Variants in CDH18 observed in about 807,000 individuals in gnomAD.
The protein encoded by CDH18 is cadherin-18.
CDH18 carries 31 observed loss-of-function variants against 67.9 expected under a neutral mutation model. The observed-to-expected ratio is 0.46, with a 90% CI of 0.34 to 0.62. The LOEUF (loss-of-function observed/expected upper bound fraction) is 0.62. CDH18 is among the 20% of genes least tolerant of loss of function. The pLI, the probability that CDH18 is intolerant of heterozygous loss-of-function variation, is 0.01. For synonymous variants in CDH18, 362 were observed against 347.2 expected, an observed-to-expected ratio of 1.04 and a Z score of -0.48; for missense variants, 890 against 975.5, an observed-to-expected ratio of 0.91 and a Z score of 1.17.
intron 6 of CDH18, among the ~76,000 whole-genome samples, chr5:19,598,978 G>A (rs969053502): frequency 6.6e-6 from 1 of 151,880 alleles, no homozygotes; most frequent in African/African-American, 2.4e-5. Flanking sequence ...TGAAAAATTG[G>A]AATAGACAAA....
intron 4 of CDH18, among the ~76,000 whole-genome samples, chr5:19,738,128 C>G (rs978850304): frequency 7.9e-5 from 12 of 151,908 alleles, no homozygotes; most frequent in African/African-American, 2.9e-4. Flanking sequence ...TATTTATTAC[C>G]TATTTAGTTT....
At chr5:19,918,565 G>A (rs796822119) in intron 2 of CDH18, among the ~76,000 whole-genome samples, 18 of 152,226 alleles carry the variant, frequency 1.2e-4, no homozygotes, top group African/African-American at 4.3e-4. Context: ...AATCACATTT[G>A]TTCACTGGTA....
At chr5:20,310,948 A>G (rs1736926406) in intron 1 of CDH18, among the ~76,000 whole-genome samples, 1 of 152,168 alleles carries the variant, frequency 6.6e-6, no homozygotes, top group African/African-American at 2.4e-5. Flanking sequence ...ACGACCAAAT[A>G]TATATCCCAG....
chr5:20,105,989 G>A (rs906646238), intron 2 of CDH18, among the ~76,000 whole-genome samples: 1 of 152,066 alleles, frequency 6.6e-6, no homozygotes, highest in Non-Finnish European at 1.5e-5. Context: ...CTGTATTTTT[G>A]TTCTCTTTTC....
intron 2 of CDH18, among the ~76,000 whole-genome samples, chr5:20,096,402 C>T (rs1026344703): frequency 6.6e-6 from 1 of 151,866 alleles, no homozygotes; most frequent in East Asian, 1.9e-4. Flanking sequence ...CACAAGAGGA[C>T]TACTTTGACC....
intron 5 of CDH18, among the ~76,000 whole-genome samples, chr5:19,655,731 G>A (rs1387825482): frequency 6.6e-6 from 1 of 151,904 alleles, no homozygotes; most frequent in South Asian, 2.1e-4. Flanking sequence ...AAACTGCAGG[G>A]AAAAGTGACA....
chr5:20,524,406 T>C (rs1755921849), intron 1 of CDH18, among the ~76,000 whole-genome samples: 2 of 152,236 alleles, frequency 1.3e-5, no homozygotes, highest in Admixed American at 6.5e-5. Context: ...GTCAATTTGT[T>C]ATGGACATTA....
At chr5:19,942,166 A>G (rs2150234710) in intron 2 of CDH18, among the ~76,000 whole-genome samples, 1 of 152,270 alleles carries the variant, frequency 6.6e-6, no homozygotes, top group South Asian at 2.1e-4. Flanking sequence ...ACAGGGGATG[A>G]TGTTCCATTC....
At chr5:20,530,525 G>A (rs1161557992) in intron 1 of CDH18, among the ~76,000 whole-genome samples, 1 of 151,950 alleles carries the variant, frequency 6.6e-6, no homozygotes, top group Non-Finnish European at 1.5e-5. Flanking sequence ...GCATGGTACT[G>A]GTACAAAAAC....
chr5:20,055,835 C>T (rs1486770951), intron 2 of CDH18, among the ~76,000 whole-genome samples: 1 of 151,928 alleles, frequency 6.6e-6, no homozygotes, highest in African/African-American at 2.4e-5. Flanking sequence ...GCAGAAGGTC[C>T]TTTACATTAA....
intron 5 of CDH18, among the ~76,000 whole-genome samples, chr5:19,694,326 T>C (rs1762270833): frequency 6.6e-6 from 1 of 152,140 alleles, no homozygotes; most frequent in Non-Finnish European, 1.5e-5. Flanking sequence ...GGGTTCAAAA[T>C]TTCTATTAAG....
At position 19,505,378 on chromosome 5, in the gene CDH18, G is replaced by A. The variant is rs1743949943; in HGVS notation, c.1513-2269C>T. Among the ~76,000 whole-genome samples the A allele has an allele frequency of 2.0e-5, 3 of 152,238 alleles. No individual in the cohort carries two copies. The East Asian group carries it at 5.8e-4, about 29-fold the overall frequency. ...TGTTGAATAGGAGTGGTGAGAAAGG[G>A]CATCCCTGTCTTGTGCCAGTTTTCA... On this transcript the variant is annotated intron_variant, in intron 10 of 12. Transcript: ENST00000382275.
intron 1 of CDH18, among the ~76,000 whole-genome samples, chr5:20,507,129 A>G (rs1754710945): frequency 6.6e-6 from 1 of 152,246 alleles, no homozygotes; most frequent in African/African-American, 2.4e-5. Flanking sequence ...TGAGAGAGAT[A>G]TCTTGGAAGT....
In CDH18 at chr5:19,546,273, CAATT is replaced by C. The variant is rs534359700; in HGVS notation, c.1254-2272_1254-2269del. Among the ~76,000 whole-genome samples, 606 of 152,222 alleles carry C rather than the reference CAATT, an allele frequency of 4.0e-3. 1 individual carries two copies. Among genetic ancestry groups the C allele is most frequent in the Non-Finnish European group, 6.5e-3 (439 of 68,008 alleles). The stretch of plus-strand genomic sequence containing the variant: ...AAGATACAAAGACCATGAGTTAAGA[CAATT>C]GATTGATATCTTTTAATGAATGAAC... On this transcript the variant is annotated intron_variant, in intron 8 of 12. Coordinates refer to ENST00000382275, the MANE Select transcript of CDH18 (RefSeq NM_004934.5).
At chr5:20,283,956 G>T (rs1311937395) in intron 1 of CDH18, among the ~76,000 whole-genome samples, 1 of 151,984 alleles carries the variant, frequency 6.6e-6, no homozygotes, top group Non-Finnish European at 1.5e-5. Flanking sequence ...AGCATGGATG[G>T]AACTAGAGAT....
At chr5:19,941,838 T>G (rs1298243456) in intron 2 of CDH18, among the ~76,000 whole-genome samples, 1 of 151,920 alleles carries the variant, frequency 6.6e-6, no homozygotes, top group African/African-American at 2.4e-5. Flanking sequence ...GCCTAACTCC[T>G]AAGGTATAAA....
intron 1 of CDH18, among the ~76,000 whole-genome samples, chr5:20,336,598 C>CTGT (rs1422283823): frequency 1.3e-5 from 2 of 151,656 alleles, no homozygotes; most frequent in Non-Finnish European, 2.9e-5. Flanking sequence ...TGGCCAGCGC[C>CTGT]TGTAGTTCCA....
At chr5:19,595,855 C>T (rs891544781) in intron 6 of CDH18, among the ~76,000 whole-genome samples, 2 of 152,086 alleles carry the variant, frequency 1.3e-5, no homozygotes, top group Non-Finnish European at 2.9e-5. Context: ...ACTAAATGTC[C>T]GAATAAATTG....
At chr5:19,769,010 T>C (rs1358810295) in intron 3 of CDH18, among the ~76,000 whole-genome samples, 1 of 151,956 alleles carries the variant, frequency 6.6e-6, no homozygotes, top group East Asian at 1.9e-4. Flanking sequence ...CAATTGAGAT[T>C]ATTCAGTCTA....
Sources: allele counts gnomAD v4.1 joint callset (sites outside exome capture counted in the v4.1 genomes callset), GRCh38; gene constraint gnomAD v4.1.1; transcripts MANE v1.5; gene names NCBI Gene and HGNC (gene_info 2026-07-23, HGNC 2026-07-21).